The following PPFIA4 variants were observed in gnomAD, a reference collection of about 807,000 sequenced individuals.
PPFIA4 encodes the protein liprin-alpha-4.
Under a neutral mutation model 145.7 loss-of-function variants are expected in PPFIA4, and 98 were observed. The ratio of observed to expected loss-of-function variants is 0.67; its 90% CI spans 0.57 to 0.80. The LOEUF (loss-of-function observed/expected upper bound fraction) is 0.80, where lower values mean the gene tolerates loss of function less well. Among genes scored for constraint, PPFIA4 ranks in the 30% least tolerant of loss-of-function variants. The pLI is 0.00. For synonymous variants in PPFIA4, 628 were observed against 649.6 expected, an observed-to-expected ratio of 0.97 and a Z score of 0.51; for missense variants, 1,457 against 1,632.7, an observed-to-expected ratio of 0.89 and a Z score of 1.85.
At chr1:203,030,657 C>A (rs1422173321) in intron 1 of PPFIA4, among the ~76,000 whole-genome samples, 2 of 152,154 alleles carry the variant, frequency 1.3e-5, no homozygotes, top group Non-Finnish European at 2.9e-5. Flanking sequence ...CAGTATCACC[C>A]CATCCCTCCC....
chr1:203,055,007 C>T lies in PPFIA4; in HGVS notation c.1830-425C>T, dbSNP rs1317056356. On this transcript the variant is annotated intron_variant, in intron 15 of 29. Transcript: ENST00000295706. This position sits in a 1 kb window ranked among gnomAD's most constrained non-coding sequence, Gnocchi z 4.8. ...CGTGTACCATTTTTATTATTTCTCT[C>T]ATTTTTCTGTGGAACAGGGAAAACC... Among the ~76,000 whole-genome samples, 2 of 152,144 alleles carry T rather than the reference C, an allele frequency of 1.3e-5. No homozygotes were observed. The highest frequency in any genetic ancestry group is 2.9e-5 in the Non-Finnish European group (2 of 68,024).
chr1:203,037,235 T>C (rs1160439918), intron 1 of PPFIA4: 1 of 333,568 alleles, frequency 3.0e-6, no homozygotes, highest in South Asian at 2.2e-5. Flanking sequence ...CTCTTTTCCC[T>C]GCTGGGTTCA....
At chr1:203,045,734 C>T (rs1660033215) in intron 7 of PPFIA4, 107 bp from the exon 8 acceptor site, 8 of 1,539,830 alleles carry the variant, frequency 5.2e-6, no homozygotes. Context: ...GAGTGTAGCT[C>T]ATGCCCCTTA....
Position 203,076,467 on chromosome 1 carries a change from C to A in PPFIA4, c.*77C>A. 2 of 1,380,280 alleles carry A rather than the reference C, an allele frequency of 1.4e-6. No homozygotes were observed. Among genetic ancestry groups the A allele is most frequent in the South Asian group, 2.3e-5 (2 of 85,868 alleles). 85.5% of individuals were successfully genotyped at this position (1,380,280 alleles called of 1,614,324 possible). On this transcript the variant is annotated 3_prime_UTR_variant, in exon 30 of 30. Transcript: ENST00000295706. The stretch of plus-strand genomic sequence containing the variant: ...GCCCTGACCCCTCTTGCTCGTTCCC[C>A]TTCCTTCCGCAGCTCCTAGTCTCGT...
At chr1:203,031,794 C>T (rs994868756) in intron 1 of PPFIA4, among the ~76,000 whole-genome samples, 2 of 152,170 alleles carry the variant, frequency 1.3e-5, no homozygotes, top group Admixed American at 1.3e-4. Context: ...TATTTGAGGA[C>T]ATTTGTGTTG....
In PPFIA4 at chr1:203,067,497, G is replaced by A. The variant is rs1409189014; in HGVS notation, c.3051-198G>A. 9 of 579,922 alleles carry A rather than the reference G, an allele frequency of 1.6e-5. No homozygotes were observed. The Admixed American group carries it at 2.1e-4, about 13-fold the overall frequency. 35.9% of individuals were successfully genotyped at this position (579,922 alleles called of 1,614,324 possible). Reference sequence around the variant, plus strand: ...CTCCCTGACTGAGAGGGAGGATATGGGTTAGACAGAGAAAGGGAGTAACCT... The same window carrying A: ...CTCCCTGACTGAGAGGGAGGATATGAGTTAGACAGAGAAAGGGAGTAACCT... On this transcript the variant is annotated intron_variant, in intron 25 of 29. Transcript: ENST00000295706.
In PPFIA4 at chr1:203,026,541, G is replaced by C. The variant is rs1486400715; in HGVS notation, c.-488G>C. 2 of 152,364 alleles carry C rather than the reference G, an allele frequency of 1.3e-5. No individual in the cohort carries two copies. The highest frequency in any genetic ancestry group is 3.9e-4 in the East Asian group (2 of 5,170). The allele number at this position is 152,364 out of a possible 1,614,324, so 9.4% of individuals were successfully genotyped here. On this transcript the variant is annotated 5_prime_UTR_variant, in exon 1 of 30. Coordinates refer to ENST00000295706, the MANE Select transcript of PPFIA4 (RefSeq NM_001304331.2). The stretch of plus-strand genomic sequence containing the variant: ...GCTGCAGCTACCTCGGCGCCGGCTC[G>C]GCTCTAGGACGTGTCGGGCTGCACG...
At chr1:203,058,274 A>T (rs1661116122) in intron 19 of PPFIA4, among the ~76,000 whole-genome samples, 1 of 151,990 alleles carries the variant, frequency 6.6e-6, no homozygotes, top group Admixed American at 6.6e-5. Context: ...ATTTGCTGAG[A>T]CAGGGAGAGG....
At chr1:203,034,416 GGAA>G (rs1225080222) in intron 1 of PPFIA4, 2 of 454,582 alleles carry the variant, frequency 4.4e-6, no homozygotes, top group Non-Finnish European at 4.4e-6. Flanking sequence ...AGCTAGACAG[GGAA>G]GAAGGAGAAG....
At chr1:203,054,695 CA>C (rs1660782695) in intron 15 of PPFIA4, among the ~76,000 whole-genome samples, 2 of 151,868 alleles carry the variant, frequency 1.3e-5, no homozygotes, top group Non-Finnish European at 2.9e-5. Context: ...CACACACACA[CA>C]CACACATACA....
intron 15 of PPFIA4, among the ~76,000 whole-genome samples, chr1:203,054,638 G>C (rs1660775637): frequency 2.0e-5 from 3 of 150,954 alleles, no homozygotes; most frequent in Non-Finnish European, 2.9e-5. Flanking sequence ...CAGTTCAATG[G>C]TTCAATGTAT....
intron 29 of PPFIA4, 57 bp from the exon 30 acceptor site, chr1:203,076,284 C>T (rs1173617332): frequency 5.8e-6 from 9 of 1,543,690 alleles, no homozygotes; most frequent in South Asian, 2.2e-5. Flanking sequence ...CAACCTCTCT[C>T]GCAGATGCCC....
intron 1 of PPFIA4, chr1:203,034,482 G>C (rs1328093569): frequency 4.4e-6 from 2 of 456,580 alleles, no homozygotes; most frequent in Non-Finnish European, 8.8e-6. Context: ...ACGTTGGGGA[G>C]AATGTCTGAG....
chr1:203,065,966 C>T (rs1409354724), intron 25 of PPFIA4, among the ~76,000 whole-genome samples: 1 of 152,204 alleles, frequency 6.6e-6, no homozygotes, highest in Non-Finnish European at 1.5e-5. Flanking sequence ...CCTAATAGTG[C>T]TGCCACTACT....
At chr1:203,042,240 G>A (rs1470366600) in intron 2 of PPFIA4, among the ~76,000 whole-genome samples, 3 of 152,180 alleles carry the variant, frequency 2.0e-5, no homozygotes, top group Admixed American at 6.5e-5. Flanking sequence ...AGGATATGAT[G>A]AGCCTGGAAT....
intron 1 of PPFIA4, chr1:203,035,163 C>T: frequency 2.5e-6 from 1 of 392,736 alleles, no homozygotes; most frequent in South Asian, 1.8e-5. Context: ...GGTGTCCGAC[C>T]CTCCTGTTTT....
chr1:203,037,102 A>G, intron 1 of PPFIA4: 1 of 252,376 alleles, frequency 4.0e-6, no homozygotes, highest in Non-Finnish European at 8.6e-6. Flanking sequence ...AAGCTGGTGC[A>G]CTAACTTTCC....
chr1:203,033,376 T>C (rs1658985549), intron 1 of PPFIA4, among the ~76,000 whole-genome samples: 1 of 152,192 alleles, frequency 6.6e-6, no homozygotes, highest in Admixed American at 6.5e-5. Flanking sequence ...GTAGCCAGAA[T>C]AGATTTGTAA....
intron 1 of PPFIA4, among the ~76,000 whole-genome samples, chr1:203,028,227 C>T (rs764460743): frequency 1.3e-5 from 2 of 151,988 alleles, no homozygotes; most frequent in Admixed American, 6.6e-5. Context: ...CTGAGCATGT[C>T]GTGATGTCAG....
Sources: gnomAD v4.1 joint callset for allele counts (sites outside exome capture counted in the v4.1 genomes callset) on GRCh38, gnomAD v4.1.1 for gene constraint, Gnocchi (gnomAD v3.1) non-coding constraint, MANE v1.5 for transcripts, NCBI Gene and HGNC (gene_info 2026-07-23, HGNC 2026-07-21) for gene names.